PCDHGA4: variants seen among roughly 807,000 people sequenced by gnomAD.
PCDHGA4 encodes the protein protocadherin gamma-A4.
Under a neutral mutation model 54.6 loss-of-function variants are expected in PCDHGA4, and 38 were observed. That is an observed-to-expected ratio of 0.70 (90% CI 0.54 to 0.91). PCDHGA4 has a LOEUF of 0.91. Ranked by LOEUF, PCDHGA4 falls within the 40% of genes least tolerant of loss-of-function variation. The probability of loss-of-function intolerance (pLI) is 0.00; values close to 1 mark genes in which losing one functional copy is unlikely to be tolerated. For synonymous variants in PCDHGA4, 511 were observed against 512.9 expected (o/e 1.00, Z 0.05); for missense variants, 1,298 against 1,220.9 (o/e 1.06, Z -0.94).
At chr5:141,371,090 C>T (rs764906419) in intron 1 of PCDHGA4, 1 of 1,613,820 alleles carries the variant, frequency 6.2e-7, no homozygotes, top group Admixed American at 1.7e-5. Flanking sequence ...GGGTAATTGT[C>T]GCAGATGCAA....
At chr5:141,418,128 T>C (rs1386757111) in intron 1 of PCDHGA4, 1 of 1,614,090 alleles carries the variant, frequency 6.2e-7, no homozygotes, top group South Asian at 1.1e-5. Flanking sequence ...AAGGACCGAA[T>C]AGACCGTGAG....
rs758782567 is a variant in PCDHGA4, at chr5:141,486,792, G to A, written c.2515-8015G>A. ...CAGTTTGAGGTGCAGGCCCGGGATCGGGGCAACCCACCCCTTAGCAGCACT... is the reference window on the plus strand; with the variant it reads ...CAGTTTGAGGTGCAGGCCCGGGATCAGGGCAACCCACCCCTTAGCAGCACT... On this transcript the variant is annotated intron_variant, in intron 1 of 3. Coordinates refer to ENST00000571252, the MANE Select transcript of PCDHGA4 (RefSeq NM_018917.4). This position sits in a 1 kb window ranked among gnomAD's most constrained non-coding sequence, Gnocchi z 5.0. The A allele has an allele frequency of 3.7e-5, 59 of 1,614,094 alleles. No homozygotes were observed. The Middle Eastern group carries it at 4.9e-4, about 13-fold the overall frequency.
At chr5:141,385,262 A>C (rs746220376) in intron 1 of PCDHGA4, 5 of 1,613,732 alleles carry the variant, frequency 3.1e-6, no homozygotes, top group Non-Finnish European at 4.2e-6. Flanking sequence ...TGTGAGAAAA[A>C]TGATTCTTTG....
Position 141,355,552 on chromosome 5 carries a change from CG to C in PCDHGA4, c.448del (p.Val150Ter). The C allele has an allele frequency of 1.2e-6, 2 of 1,613,938 alleles. No homozygotes were observed. Among genetic ancestry groups the C allele is most frequent in the South Asian group, 2.2e-5 (2 of 91,076 alleles). On this transcript the variant is annotated frameshift_variant, in exon 1 of 4. Coordinates refer to ENST00000571252, the MANE Select transcript of PCDHGA4 (RefSeq NM_018917.4). LOFTEE classifies it high-confidence loss of function. Reference protein sequence around the residue: ...ILLEDTVKILRVEVEIIDVND... With the variant: ...ILLEDTVKILXVEVEIIDVND... ...TCTAGAAGATACAGTGAAGATTTTG[CG>C]GGTAGAGGTGGAAATAATCGATGTT...
chr5:141,379,137 C>A (rs1322597414), intron 1 of PCDHGA4: 2 of 152,216 alleles, frequency 1.3e-5, no homozygotes, highest in African/African-American at 2.4e-5. Context: ...AAATGAGAAC[C>A]TCCTTTGTAA....
chr5:141,389,569 A>T, intron 1 of PCDHGA4: 2 of 1,613,182 alleles, frequency 1.2e-6, no homozygotes, highest in Non-Finnish European at 1.7e-6. Context: ...CGGGTGCTGT[A>T]CCCCGCGCTG....
chr5:141,381,122 C>G (rs1328848955), intron 1 of PCDHGA4, among the ~76,000 whole-genome samples: 2 of 152,200 alleles, frequency 1.3e-5, no homozygotes, highest in Admixed American at 1.3e-4. Context: ...TCCCTGTATT[C>G]TGGAGCAATG....
At chr5:141,429,240 TGA>T (rs998506084) in intron 1 of PCDHGA4, 1 of 151,858 alleles carries the variant, frequency 6.6e-6, no homozygotes, top group Non-Finnish European at 1.5e-5. Context: ...CTGCTGTCAT[TGA>T]GATATTTTAA....
intron 1 of PCDHGA4, among the ~76,000 whole-genome samples, chr5:141,460,951 G>GTATA (rs200454978): frequency 7.9e-5 from 11 of 139,774 alleles, no homozygotes; most frequent in Middle Eastern, 3.7e-3. Context: ...TATGTATTAT[G>GTATA]TATATATATA....
chr5:141,472,850 G>A (rs1230517294), intron 1 of PCDHGA4, among the ~76,000 whole-genome samples: 1 of 151,876 alleles, frequency 6.6e-6, no homozygotes, highest in Admixed American at 6.6e-5. Flanking sequence ...GCTGGGCATG[G>A]TGGCACATGC....
At chr5:141,451,185 T>C (rs900513875) in intron 1 of PCDHGA4, among the ~76,000 whole-genome samples, 1 of 152,182 alleles carries the variant, frequency 6.6e-6, no homozygotes, top group Non-Finnish European at 1.5e-5. Context: ...GCCATTGCTG[T>C]GTAACAAATT....
intron 1 of PCDHGA4, chr5:141,413,580 A>G (rs1216926250): frequency 5.0e-6 from 8 of 1,613,804 alleles, no homozygotes; most frequent in Non-Finnish European, 1.7e-6. Context: ...ACAATGCTCC[A>G]AAATTCCAAG....
intron 1 of PCDHGA4, chr5:141,384,443 A>T: frequency 6.2e-7 from 1 of 1,614,030 alleles, no homozygotes; most frequent in Non-Finnish European, 8.5e-7. Context: ...GGAGTCCTGT[A>T]CGCGCTGCAA....
At chr5:141,428,245 C>A in intron 1 of PCDHGA4, 1 of 948,140 alleles carries the variant, frequency 1.1e-6, no homozygotes, top group South Asian at 1.4e-5. Flanking sequence ...GGAGGCACTG[C>A]CAGACTTCAG....
intron 1 of PCDHGA4, chr5:141,393,180 A>G: frequency 6.2e-7 from 1 of 1,613,356 alleles, no homozygotes; most frequent in South Asian, 1.1e-5. Context: ...AGAAATAGAA[A>G]TAATTGATAT....
At chr5:141,415,026 G>A in intron 1 of PCDHGA4, 1 of 1,613,590 alleles carries the variant, frequency 6.2e-7, no homozygotes, top group Non-Finnish European at 8.5e-7. Flanking sequence ...AGGCCAGCGA[G>A]CCGGGACTCT....
chr5:141,364,186 T>A, intron 1 of PCDHGA4: 18 of 1,005,938 alleles, frequency 1.8e-5, no homozygotes, highest in Non-Finnish European at 2.5e-5. Flanking sequence ...CCCTCCATAC[T>A]AAACACACAG....
At chr5:141,440,912 G>T (rs1281398967) in intron 1 of PCDHGA4, 1 of 152,254 alleles carries the variant, frequency 6.6e-6, no homozygotes, top group Admixed American at 6.5e-5. Context: ...GGGCACTCCT[G>T]TGCTGAGAGT....
chr5:141,476,018 A>G lies in PCDHGA4; in HGVS notation c.2515-18789A>G. 7.3e-7 allele frequency: 1 copy of G among 1,371,412 alleles called. No homozygotes were observed. Among genetic ancestry groups the G allele is most frequent in the African/African-American group, 1.4e-5 (1 of 69,226 alleles). The allele number at this position is 1,371,412 out of a possible 1,614,324, so 85.0% of individuals were successfully genotyped here. A position where few individuals can be genotyped will look rare whatever the true frequency, so the allele number is the denominator to read the frequency against. The stretch of plus-strand genomic sequence containing the variant: ...AACGGCATCCAGAAAGCCATGTCGG[A>G]CTCGGCGCCCAGCGCCCAAGCGCTA... On this transcript the variant is annotated intron_variant, in intron 1 of 3. Coordinates refer to ENST00000571252, the MANE Select transcript of PCDHGA4 (RefSeq NM_018917.4). This position sits in a 1 kb window ranked among gnomAD's most constrained non-coding sequence, Gnocchi z 7.6.
Sources: gnomAD v4.1 joint callset for allele counts (sites outside exome capture counted in the v4.1 genomes callset) on GRCh38, gnomAD v4.1.1 for gene constraint, Gnocchi (gnomAD v3.1) non-coding constraint, MANE v1.5 for transcripts, NCBI Gene and HGNC (gene_info 2026-07-23, HGNC 2026-07-21) for gene names.